Variants in GPHN observed in about 807,000 individuals in gnomAD.
GPHN encodes gephyrin.
In GPHN, 17 loss-of-function variants were observed where a neutral mutation model predicts 95.5. That is an observed-to-expected ratio of 0.18 (90% CI 0.12 to 0.27). GPHN has a LOEUF of 0.27. Among genes scored for constraint, GPHN ranks in the 10% least tolerant of loss-of-function variants. GPHN has a pLI of 1.00. For missense variants in GPHN, 660 were observed against 978.1 expected, an observed-to-expected ratio of 0.67 and a Z score of 4.34; for synonymous variants, 320 against 322.5, an observed-to-expected ratio of 0.99 and a Z score of 0.08.
intron 1 of GPHN, among the ~76,000 whole-genome samples, chr14:66,585,892 AT>A: frequency 6.6e-6 from 1 of 152,142 alleles, no homozygotes. Flanking sequence ...AGTTCTGTAG[AT>A]GTCTATTAGG....
At chr14:67,392,714 G>C in the GPHN span, 1 of 1,614,202 alleles carries the variant, frequency 6.2e-7, no homozygotes. Flanking sequence ...CAGATCCCCA[G>C]AGCGAATGGC....
chr14:67,187,205 A>C, the GPHN span, among the ~76,000 whole-genome samples: 1 of 152,174 alleles, frequency 6.6e-6, no homozygotes, highest in African/African-American at 2.4e-5. Context: ...GGTACTGAAA[A>C]TTTAAAAAAT....
the GPHN span, among the ~76,000 whole-genome samples, chr14:67,510,953 C>T: frequency 1.3e-5 from 2 of 152,184 alleles, no homozygotes; most frequent in Non-Finnish European, 2.9e-5. Flanking sequence ...CACATTTTAT[C>T]TTGAAGCATG....
At chr14:67,457,304 A>G in the GPHN span, among the ~76,000 whole-genome samples, 1 of 152,246 alleles carries the variant, frequency 6.6e-6, no homozygotes, top group Non-Finnish European at 1.5e-5. Flanking sequence ...AAGAAAAAAG[A>G]AACAAACAGC....
At chr14:66,989,855 T>C (rs2071285961) in intron 9 of GPHN, among the ~76,000 whole-genome samples, 1 of 152,194 alleles carries the variant, frequency 6.6e-6, no homozygotes, top group African/African-American at 2.4e-5. Flanking sequence ...CTCAGAACCA[T>C]AGACTATATT....
chr14:67,526,337 C>T, the GPHN span, among the ~76,000 whole-genome samples: 1 of 152,218 alleles, frequency 6.6e-6, no homozygotes, highest in Non-Finnish European at 1.5e-5. Context: ...GCATCTCTTC[C>T]TGTCCCCTGC....
At chr14:67,528,008 G>A in the GPHN span, among the ~76,000 whole-genome samples, 3 of 152,152 alleles carry the variant, frequency 2.0e-5, no homozygotes, top group Non-Finnish European at 4.4e-5. Context: ...TCCTACAGTG[G>A]CCCACTGTGG....
intron 5 of GPHN, among the ~76,000 whole-genome samples, chr14:66,888,182 GAAGA>G (rs1396978058): frequency 6.6e-6 from 1 of 152,072 alleles, no homozygotes; most frequent in Non-Finnish European, 1.5e-5. Context: ...GAGAAAAACA[GAAGA>G]AATATTTGAA....
chr14:66,860,504 T>G (rs2062982409), intron 4 of GPHN, among the ~76,000 whole-genome samples: 1 of 151,920 alleles, frequency 6.6e-6, no homozygotes, highest in Non-Finnish European at 1.5e-5. Context: ...TTCTTCAGTC[T>G]TAAAGAAAAG....
At chr14:67,371,477 C>T in the GPHN span, among the ~76,000 whole-genome samples, 4 of 151,898 alleles carry the variant, frequency 2.6e-5, no homozygotes, top group Non-Finnish European at 5.9e-5. Context: ...TCATGTGGTG[C>T]TTAATGACAA....
At chr14:67,447,922 C>T in the GPHN span, 1 of 152,032 alleles carries the variant, frequency 6.6e-6, no homozygotes. Context: ...CCACTCTCTA[C>T]CTTGCATCTG....
intron 4 of GPHN, among the ~76,000 whole-genome samples, chr14:66,864,471 C>T (rs1355443054): frequency 6.6e-6 from 1 of 151,970 alleles, no homozygotes; most frequent in African/African-American, 2.4e-5. Flanking sequence ...TGGTTATGTA[C>T]CCAAAAGAAT....
the GPHN span, among the ~76,000 whole-genome samples, chr14:67,697,599 C>T: frequency 2.6e-5 from 4 of 152,120 alleles, no homozygotes; most frequent in Non-Finnish European, 5.9e-5. Flanking sequence ...ATAATTTTCC[C>T]TATTTTACAG....
chr14:67,199,488 G>A, the GPHN span: 4 of 1,612,880 alleles, frequency 2.5e-6, 1 homozygote, highest in Admixed American at 6.7e-5. Context: ...AACTCCAAAG[G>A]TTATGCCTTT....
At chr14:67,197,769 G>A in the GPHN span, among the ~76,000 whole-genome samples, 6,016 of 152,192 alleles carry the variant, frequency 0.04, 131 homozygotes, top group Middle Eastern at 0.054. Flanking sequence ...TGGTCTGTGG[G>A]GGAATATATT....
At chr14:66,721,085 A>G (rs2070697435) in intron 2 of GPHN, among the ~76,000 whole-genome samples, 1 of 152,192 alleles carries the variant, frequency 6.6e-6, no homozygotes, top group Non-Finnish European at 1.5e-5. Flanking sequence ...TTATGAGCTC[A>G]TCAGTTGCTT....
chr14:67,562,738 G>A, the GPHN span: 2 of 1,613,648 alleles, frequency 1.2e-6, no homozygotes, highest in Non-Finnish European at 1.7e-6. Flanking sequence ...CCCGAGCTAG[G>A]TCCCGGGAGG....
chr14:67,156,763 G>C (rs1200121577), intron 18 of GPHN, among the ~76,000 whole-genome samples: 1 of 151,934 alleles, frequency 6.6e-6, no homozygotes, highest in Non-Finnish European at 1.5e-5. Flanking sequence ...GATCATGTGG[G>C]GCCAGGAGTT....
In GPHN at chr14:66,556,670, A is replaced by T. The variant is rs947788096; in HGVS notation, c.64+48079A>T. Among the ~76,000 whole-genome samples the T allele has an allele frequency of 5.3e-5, 8 of 152,262 alleles. No individual in the cohort carries two copies. In the South Asian group the frequency reaches 1.7e-3, roughly 32 times the overall value. ...AGCCAAAACTTTTGGTCCCATAATT[A>T]TTTATGCCTGCATTTAAGAACTAGT... On this transcript the variant is annotated intron_variant, in intron 1 of 22. Transcript: ENST00000478722.
Sources: gnomAD v4.1 joint callset for allele counts (sites outside exome capture counted in the v4.1 genomes callset) on GRCh38, gnomAD v4.1.1 for gene constraint, MANE v1.5 for transcripts, NCBI Gene and HGNC (gene_info 2026-07-23, HGNC 2026-07-21) for gene names.